The following KAZN variants were observed in gnomAD, a reference collection of about 807,000 sequenced individuals.
KAZN encodes kazrin.
A neutral mutation model predicts 87.4 loss-of-function variants in KAZN; 40 were observed. That is an observed-to-expected ratio of 0.46 (90% CI 0.36 to 0.60). KAZN has a LOEUF of 0.60. Among genes scored for constraint, KAZN ranks in the 20% least tolerant of loss-of-function variants. The pLI is 0.00. For synonymous variants in KAZN, 466 were observed against 458.3 expected, an observed-to-expected ratio of 1.02 and a Z score of -0.22; for missense variants, 898 against 1,073.9, an observed-to-expected ratio of 0.84 and a Z score of 2.29.
At chr1:14,557,058 T>C (rs1434059997) in intron 2 of KAZN, among the ~76,000 whole-genome samples, 1 of 151,818 alleles carries the variant, frequency 6.6e-6, no homozygotes, top group Admixed American at 6.6e-5. Context: ...AAAATAAAGC[T>C]ACACAAGAAA....
intron 1 of KAZN, among the ~76,000 whole-genome samples, chr1:13,895,517 A>T (rs1301821929): frequency 3.9e-5 from 6 of 152,182 alleles, no homozygotes; most frequent in African/African-American, 1.4e-4. Context: ...AATGACCAGC[A>T]GTCTCCAGGG....
At chr1:14,852,564 A>C (rs1649590881) in intron 1 of KAZN, among the ~76,000 whole-genome samples, 1 of 151,924 alleles carries the variant, frequency 6.6e-6, no homozygotes, top group Non-Finnish European at 1.5e-5. Flanking sequence ...CAGCGTTTTC[A>C]GCCTCTGCCC....
At chr1:14,811,949 G>A (rs1343391817) in intron 1 of KAZN, among the ~76,000 whole-genome samples, 1 of 152,162 alleles carries the variant, frequency 6.6e-6, no homozygotes, top group Non-Finnish European at 1.5e-5. Context: ...ATCCATCTAA[G>A]TACCCCAAGG....
intron 1 of KAZN, among the ~76,000 whole-genome samples, chr1:14,729,280 G>A (rs1224920738): frequency 1.3e-5 from 2 of 152,202 alleles, no homozygotes; most frequent in Non-Finnish European, 2.9e-5. Flanking sequence ...CTTGCTATCT[G>A]GTTGTGTTCC....
At chr1:14,781,045 G>A (rs1307670357) in intron 1 of KAZN, among the ~76,000 whole-genome samples, 4 of 152,106 alleles carry the variant, frequency 2.6e-5, no homozygotes, top group African/African-American at 9.7e-5. Flanking sequence ...AAACTTGGCC[G>A]GGCGCGGAGG....
At chr1:14,150,578 A>G (rs1357156521) in intron 1 of KAZN, among the ~76,000 whole-genome samples, 2 of 152,216 alleles carry the variant, frequency 1.3e-5, no homozygotes, top group Non-Finnish European at 1.5e-5. Flanking sequence ...CATGTGATAC[A>G]AGAGGTGTAT....
intron 2 of KAZN, among the ~76,000 whole-genome samples, chr1:14,401,291 T>C (rs776361189): frequency 1.1e-4 from 17 of 151,802 alleles, no homozygotes; most frequent in Non-Finnish European, 1.9e-4. Context: ...AAATAGCATA[T>C]AATAACTGTT....
chr1:14,153,815 C>T (rs1318556085), intron 1 of KAZN, among the ~76,000 whole-genome samples: 2 of 149,306 alleles, frequency 1.3e-5, no homozygotes, highest in Admixed American at 6.7e-5. Flanking sequence ...GTTTGCTGGA[C>T]GTCTTTGGAT....
intron 1 of KAZN, among the ~76,000 whole-genome samples, chr1:14,770,943 T>G (rs1645003396): frequency 6.6e-6 from 1 of 152,068 alleles, no homozygotes; most frequent in Non-Finnish European, 1.5e-5. Flanking sequence ...CAGGGAGACA[T>G]CGAGACCACA....
At chr1:14,170,120 T>TC (rs1313050317) in intron 1 of KAZN, among the ~76,000 whole-genome samples, 25 of 152,178 alleles carry the variant, frequency 1.6e-4, no homozygotes, top group African/African-American at 6.0e-4. Flanking sequence ...CTCTGGCCCC[T>TC]CCTGGCTTTG....
At chr1:14,400,375 C>T (rs1663300065) in intron 2 of KAZN, among the ~76,000 whole-genome samples, 2 of 152,196 alleles carry the variant, frequency 1.3e-5, no homozygotes, top group South Asian at 4.1e-4. Flanking sequence ...TAGAAAGACA[C>T]TTGGAAATCA....
At chr1:15,014,588 C>T (rs920507695) in intron 2 of KAZN, among the ~76,000 whole-genome samples, 6 of 152,182 alleles carry the variant, frequency 3.9e-5, no homozygotes, top group African/African-American at 1.4e-4. Flanking sequence ...AAACCCTGCT[C>T]CGGGCTTCTT....
At chr1:14,000,222 C>T (rs1639721644) in intron 1 of KAZN, among the ~76,000 whole-genome samples, 1 of 152,114 alleles carries the variant, frequency 6.6e-6, no homozygotes, top group Non-Finnish European at 1.5e-5. Context: ...ATCCTGATAC[C>T]AAAACCGGGA....
chr1:14,271,917 G>A (rs1651972863), intron 2 of KAZN, among the ~76,000 whole-genome samples: 1 of 152,190 alleles, frequency 6.6e-6, no homozygotes, highest in African/African-American at 2.4e-5. Context: ...TAGCGTGAAG[G>A]CACATCCCAA....
At chr1:14,877,687 T>C (rs1039807630) in intron 1 of KAZN, among the ~76,000 whole-genome samples, 1 of 152,202 alleles carries the variant, frequency 6.6e-6, no homozygotes, top group African/African-American at 2.4e-5. Flanking sequence ...AGTCTTCTCA[T>C]CCATAACATG....
chr1:14,629,049 G>A (rs993604311), intron 1 of KAZN, among the ~76,000 whole-genome samples: 2 of 152,012 alleles, frequency 1.3e-5, no homozygotes, highest in African/African-American at 2.4e-5. Flanking sequence ...GTTTCACCAT[G>A]TTGGCCAGGC....
intron 1 of KAZN, among the ~76,000 whole-genome samples, chr1:14,656,561 G>T (rs1194985350): frequency 6.6e-6 from 1 of 152,210 alleles, no homozygotes; most frequent in Non-Finnish European, 1.5e-5. Context: ...CTAAAGAAAA[G>T]AGGTTTAATT....
chr1:15,105,561 G>GT lies in KAZN; in HGVS notation c.2048+1383dup, dbSNP rs60152207. On this transcript the variant is annotated intron_variant, in intron 13 of 14. Transcript: ENST00000376030. ...TTTTAGTGATCTGAGTTTGAGTTTT[G>GT]TTTTTTTTTTTAATCAGCCTATCTA... 4.4e-3 allele frequency among the ~76,000 whole-genome samples: 638 copies of GT among 143,374 alleles called. 3 individuals carry two copies. The highest frequency in any genetic ancestry group is 0.014 in the African/African-American group (535 of 39,196). 94.1% of individuals were successfully genotyped at this position (143,374 alleles called of 152,430 possible).
intron 3 of KAZN, among the ~76,000 whole-genome samples, chr1:15,038,059 C>T (rs954689510): frequency 3.9e-5 from 6 of 152,112 alleles, no homozygotes; most frequent in Admixed American, 6.5e-5. Context: ...CAAGACCAGC[C>T]TGGACAACAG....
Sources: gnomAD v4.1 joint callset for allele counts (sites outside exome capture counted in the v4.1 genomes callset) on GRCh38, gnomAD v4.1.1 for gene constraint, MANE v1.5 for transcripts, NCBI Gene and HGNC (gene_info 2026-07-23, HGNC 2026-07-21) for gene names.